SLC24A2: variants seen among roughly 807,000 people sequenced by gnomAD.
SLC24A2 encodes the protein sodium/potassium/calcium exchanger 2.
SLC24A2 carries 36 observed loss-of-function variants against 62.0 expected under a neutral mutation model. That is an observed-to-expected ratio of 0.58 (90% CI 0.44 to 0.77). The LOEUF is 0.77. Ranked by LOEUF, SLC24A2 falls within the 30% of genes least tolerant of loss-of-function variation. The probability of loss-of-function intolerance (pLI) is 0.00; values close to 1 mark genes in which losing one functional copy is unlikely to be tolerated. For missense variants in SLC24A2, 846 were observed against 817.9 expected, an observed-to-expected ratio of 1.03 and a Z score of -0.42; for synonymous variants, 358 against 294.0, an observed-to-expected ratio of 1.22 and a Z score of -2.23.
chr9:19,678,738 C>A (rs1437542654), intron 2 of SLC24A2, among the ~76,000 whole-genome samples: 1 of 152,130 alleles, frequency 6.6e-6, no homozygotes, highest in African/African-American at 2.4e-5. Context: ...GTTAAGATTT[C>A]ACTCAAAGCT....
chr9:20,042,660 T>TGCTTTGCTTTATTGC, the SLC24A2 span, among the ~76,000 whole-genome samples: 2 of 152,200 alleles, frequency 1.3e-5, no homozygotes, highest in African/African-American at 2.4e-5. Flanking sequence ...CCTTTTATTG[T>TGCTTTGCTTTATTGC]GCTTTGCTTT....
intron 4 of SLC24A2, among the ~76,000 whole-genome samples, chr9:19,611,389 G>A (rs981491154): frequency 1.3e-5 from 2 of 150,418 alleles, no homozygotes; most frequent in East Asian, 3.9e-4. Context: ...TGAGGGAGAG[G>A]AAGGAGGGGA....
At chr9:20,298,826 G>A in the SLC24A2 span, among the ~76,000 whole-genome samples, 1 of 152,226 alleles carries the variant, frequency 6.6e-6, no homozygotes, top group Non-Finnish European at 1.5e-5. Flanking sequence ...AAAAGGTAGT[G>A]AGTTATCCCC....
chr9:20,007,936 C>T, the SLC24A2 span, among the ~76,000 whole-genome samples: 21 of 111,376 alleles, frequency 1.9e-4, no homozygotes, highest in Non-Finnish European at 2.8e-4. Flanking sequence ...CACTCTGTTG[C>T]CCAGGCTGGA....
At chr9:19,929,894 G>T in the SLC24A2 span, 1 of 151,942 alleles carries the variant, frequency 6.6e-6, no homozygotes, top group African/African-American at 2.4e-5. Flanking sequence ...TAACAAAAAA[G>T]TCTAAAAAGC....
chr9:19,674,729 C>G (rs896638111), intron 2 of SLC24A2, among the ~76,000 whole-genome samples: 1 of 152,168 alleles, frequency 6.6e-6, no homozygotes, highest in Non-Finnish European at 1.5e-5. Context: ...TTAATGCTAT[C>G]TATTTCACTG....
At chr9:19,834,089 C>G in the SLC24A2 span, among the ~76,000 whole-genome samples, 5 of 152,104 alleles carry the variant, frequency 3.3e-5, no homozygotes, top group African/African-American at 1.2e-4. Context: ...TCACCATCAT[C>G]AAAGACCAAA....
chr9:20,303,838 C>T, the SLC24A2 span, among the ~76,000 whole-genome samples: 1 of 152,288 alleles, frequency 6.6e-6, no homozygotes, highest in South Asian at 2.1e-4. Context: ...CTAGTCTTTG[C>T]ATCTTATCTG....
chr9:19,932,136 TAAAA>T, the SLC24A2 span, among the ~76,000 whole-genome samples: 3 of 152,150 alleles, frequency 2.0e-5, no homozygotes, highest in African/African-American at 7.2e-5. Flanking sequence ...AGTAAAACTC[TAAAA>T]AATAGTACCG....
chr9:19,534,599 A>C (rs1833867935), intron 8 of SLC24A2, among the ~76,000 whole-genome samples: 3 of 152,032 alleles, frequency 2.0e-5, no homozygotes, highest in African/African-American at 7.2e-5. Context: ...TGAGTGAAAA[A>C]AATGCGGTGT....
the SLC24A2 span, among the ~76,000 whole-genome samples, chr9:20,163,765 T>A: frequency 6.6e-6 from 1 of 152,152 alleles, no homozygotes; most frequent in Non-Finnish European, 1.5e-5. Context: ...AACAGCACGG[T>A]ACTGGTACCA....
the SLC24A2 span, among the ~76,000 whole-genome samples, chr9:20,091,743 C>G: frequency 6.6e-6 from 1 of 152,072 alleles, no homozygotes; most frequent in South Asian, 2.1e-4. Flanking sequence ...CCATTACTAG[C>G]CAATACAAAA....
chr9:19,956,364 A>T, the SLC24A2 span, among the ~76,000 whole-genome samples: 1 of 152,190 alleles, frequency 6.6e-6, no homozygotes, highest in Admixed American at 6.5e-5. Context: ...TTATAGCAAA[A>T]TATTTGTGTC....
At chr9:20,102,955 G>T in the SLC24A2 span, among the ~76,000 whole-genome samples, 2 of 152,124 alleles carry the variant, frequency 1.3e-5, no homozygotes, top group East Asian at 1.9e-4. Flanking sequence ...AAAGAAAGGG[G>T]TGACAGACGG....
At chr9:19,681,782 T>A (rs1295623608) in intron 2 of SLC24A2, among the ~76,000 whole-genome samples, 1 of 152,172 alleles carries the variant, frequency 6.6e-6, no homozygotes, top group Non-Finnish European at 1.5e-5. Context: ...TTGTTCTTAG[T>A]TAACATGAGC....
the SLC24A2 span, among the ~76,000 whole-genome samples, chr9:19,851,404 T>G: frequency 6.6e-6 from 1 of 152,096 alleles, no homozygotes; most frequent in Non-Finnish European, 1.5e-5. Flanking sequence ...GGTAAATGTG[T>G]GCCATGGTGA....
At chr9:20,133,222 A>T in the SLC24A2 span, among the ~76,000 whole-genome samples, 1 of 152,002 alleles carries the variant, frequency 6.6e-6, no homozygotes, top group Non-Finnish European at 1.5e-5. Context: ...TCATACATGC[A>T]TGCATGCACA....
chr9:20,043,659 T>C, the SLC24A2 span, among the ~76,000 whole-genome samples: 1 of 152,152 alleles, frequency 6.6e-6, no homozygotes, highest in Non-Finnish European at 1.5e-5. Flanking sequence ...AGAACTTGAA[T>C]TAGAAGTGAA....
At chr9:20,097,632 C>T in the SLC24A2 span, among the ~76,000 whole-genome samples, 12 of 151,206 alleles carry the variant, frequency 7.9e-5, no homozygotes, top group African/African-American at 2.9e-4. Flanking sequence ...CTGATTCTCC[C>T]TTTAAGGTCA....
Sources: allele counts gnomAD v4.1 joint callset (sites outside exome capture counted in the v4.1 genomes callset), GRCh38; gene constraint gnomAD v4.1.1; transcripts MANE v1.5; gene names NCBI Gene and HGNC (gene_info 2026-07-23, HGNC 2026-07-21).